Variants in KDM5A observed in about 807,000 individuals in gnomAD.
The protein encoded by KDM5A is lysine-specific demethylase 5A.
A neutral mutation model predicts 193.5 loss-of-function variants in KDM5A; 42 were observed. The ratio of observed to expected loss-of-function variants is 0.22; its 90% CI spans 0.17 to 0.28. KDM5A has a LOEUF of 0.28. KDM5A is among the 10% of genes least tolerant of loss of function. The probability of loss-of-function intolerance (pLI) is 1.00; values close to 1 mark genes in which losing one functional copy is unlikely to be tolerated. For synonymous variants in KDM5A, 796 were observed against 718.1 expected, an observed-to-expected ratio of 1.11 and a Z score of -1.73; for missense variants, 1,692 against 2,055.1, an observed-to-expected ratio of 0.82 and a Z score of 3.42.
intron 10 of KDM5A, among the ~76,000 whole-genome samples, chr12:340,719 AC>A (rs1943994652): frequency 1.3e-5 from 2 of 149,174 alleles, no homozygotes; most frequent in African/African-American, 2.5e-5. Context: ...AAAAAAAAAA[AC>A]CATTAGCACA....
intron 10 of KDM5A, among the ~76,000 whole-genome samples, chr12:335,363 T>G (rs998855657): frequency 5.9e-5 from 9 of 152,234 alleles, no homozygotes; most frequent in African/African-American, 2.2e-4. Flanking sequence ...ATCCACTAAG[T>G]CAAACTATTT....
chr12:321,176 TA>T, intron 17 of KDM5A, 67 bp from the exon 18 acceptor site: 1 of 1,111,508 alleles, frequency 9.0e-7, no homozygotes, highest in Middle Eastern at 2.0e-4. Flanking sequence ...AAAGGGCTCC[TA>T]GTCTCTTCAG....
intron 10 of KDM5A, among the ~76,000 whole-genome samples, chr12:344,001 G>T (rs1944038474): frequency 6.6e-6 from 1 of 152,158 alleles, no homozygotes; most frequent in South Asian, 2.1e-4. Flanking sequence ...CCATCGCAAG[G>T]AAGCTAAAAA....
chr12:332,562 T>C (rs1686317553), intron 12 of KDM5A, among the ~76,000 whole-genome samples: 1 of 152,212 alleles, frequency 6.6e-6, no homozygotes, highest in Admixed American at 6.5e-5. Context: ...TTATCAGGCA[T>C]TAGCTTGAAT....
At chr12:295,519 G>T in intron 26 of KDM5A, 54 bp downstream of exon 26, 2 of 1,513,354 alleles carry the variant, frequency 1.3e-6, no homozygotes, top group South Asian at 2.3e-5. Context: ...TACCTCTAAG[G>T]AACCTAGGCA....
In KDM5A at chr12:329,178, T is replaced by C. The variant is rs944945097; in HGVS notation, c.1774-149A>G. On this transcript the variant is annotated intron_variant, in intron 13 of 27. Transcript: ENST00000399788. The stretch of plus-strand genomic sequence containing the variant: ...TAAAGAGGCAATATTCTATTAACTG[T>C]AAATATTAACCCTGTAAGACCCAGC... 5.6e-6 allele frequency: 4 copies of C among 713,698 alleles called. No individual in the cohort carries two copies. The South Asian group carries it at 6.4e-5, about 11-fold the overall frequency. 44.2% of individuals were successfully genotyped at this position (713,698 alleles called of 1,614,324 possible). A position where few individuals can be genotyped will look rare whatever the true frequency, so the allele number is the denominator to read the frequency against.
intron 14 of KDM5A, among the ~76,000 whole-genome samples, chr12:324,524 A>G (rs910366916): frequency 6.6e-5 from 10 of 152,224 alleles, no homozygotes; most frequent in African/African-American, 2.4e-4. Context: ...GCAAATTAAA[A>G]TATAATATCA....
chr12:282,840 AC>A lies in KDM5A; in HGVS notation c.*2615del, dbSNP rs1943172713. 4.3e-6 allele frequency: 1 copy of A among 232,470 alleles called. No homozygotes were observed. Among genetic ancestry groups the A allele is most frequent in the African/African-American group, 2.2e-5 (1 of 45,324 alleles). The allele number at this position is 232,470 out of a possible 1,614,324, so 14.4% of individuals were successfully genotyped here. ...TGAAAATAATGCTTTGTATTAGAAC[AC>A]CAACATTTCTTTAAATAGATGAATC... On this transcript the variant is annotated 3_prime_UTR_variant, in exon 28 of 28. Transcript: ENST00000399788.
rs1260638421 is a variant in KDM5A, at chr12:295,716, A to G, written c.4312T>C (p.Ser1438Pro). Residue 1438 changes from serine to proline, a missense_variant, in exon 26 of 28, where the codon TCA (serine) becomes CCA (proline). Ser to Pro is a moderately conservative substitution (Grantham distance 74). This residue lies in a region of KDM5A where 965 missense variants were observed against 1,061.0 expected (regional missense o/e 0.91). Coordinates refer to ENST00000399788, the MANE Select transcript of KDM5A (RefSeq NM_001042603.3). The stretch of plus-strand genomic sequence containing the variant: ...TCCAGTTGTGCCTTAGCTCCAGGTG[A>G]CAACTCCAGCACTGGAGGTTCCAAA... ...RSLEPPVLELSPGAKAQLEEL... is the reference protein window; with the variant it reads ...RSLEPPVLELPPGAKAQLEEL... The G allele has an allele frequency of 6.2e-7, 1 of 1,613,988 alleles. No homozygotes were observed. The highest frequency in any genetic ancestry group is 8.5e-7 in the Non-Finnish European group (1 of 1,179,992).
chr12:297,993 A>G (rs1943395359), intron 24 of KDM5A, among the ~76,000 whole-genome samples: 1 of 152,208 alleles, frequency 6.6e-6, no homozygotes, highest in South Asian at 2.1e-4. Context: ...ATTGCTCTCT[A>G]GATTCCTCCT....
rs571207536 is a variant in KDM5A at position 359,301 on chromosome 12, T to G, written c.673-2764A>C. On this transcript the variant is annotated intron_variant, in intron 5 of 27. Coordinates refer to ENST00000399788, the MANE Select transcript of KDM5A (RefSeq NM_001042603.3). The stretch of plus-strand genomic sequence containing the variant: ...CAGTGGGAACAAGCACACCGTGTGC[T>G]CACATCATGGTTTCTAAATACCATT... Among the ~76,000 whole-genome samples, 9 of 152,320 alleles carry G rather than the reference T, an allele frequency of 5.9e-5. No individual in the cohort carries two copies. The East Asian group carries it at 1.7e-3, about 29-fold the overall frequency.
chr12:379,698 A>G (rs1478644526), intron 3 of KDM5A, among the ~76,000 whole-genome samples: 1 of 152,236 alleles, frequency 6.6e-6, no homozygotes, highest in Non-Finnish European at 1.5e-5. Flanking sequence ...AGAGATGTCC[A>G]TGAGGACTTA....
At chr12:387,693 G>C (rs1305407540) in intron 1 of KDM5A, among the ~76,000 whole-genome samples, 1 of 152,164 alleles carries the variant, frequency 6.6e-6, no homozygotes, top group African/African-American at 2.4e-5. Context: ...CACACATTTG[G>C]TGTTTTAACT....
Position 334,804 on chromosome 12 carries a change from T to C in KDM5A, c.1309-382A>G, listed in dbSNP as rs544814501. ...ACTATATTGATAGAATGGTGCTAGA[T>C]ACTGTAAAGACAAAATACAATATAC... is the stretch of plus-strand genomic sequence containing the variant. On this transcript the variant is annotated intron_variant, in intron 10 of 27. Coordinates refer to ENST00000399788, the MANE Select transcript of KDM5A (RefSeq NM_001042603.3). Among the ~76,000 whole-genome samples, 5 of 152,342 alleles carry C rather than the reference T, an allele frequency of 3.3e-5. No individual in the cohort carries two copies. In the South Asian group the frequency reaches 1.0e-3, roughly 32 times the overall value.
chr12:300,904 C>T (rs1268335440), intron 24 of KDM5A, among the ~76,000 whole-genome samples: 1 of 152,220 alleles, frequency 6.6e-6, no homozygotes, highest in Non-Finnish European at 1.5e-5. Context: ...ATAAACATCT[C>T]TACCCAAATA....
chr12:307,136 G>C lies in KDM5A; in HGVS notation c.3931-47C>G. 2 of 1,610,036 alleles carry C rather than the reference G, an allele frequency of 1.2e-6. No homozygotes were observed. The highest frequency in any genetic ancestry group is 1.7e-6 in the Non-Finnish European group (2 of 1,176,718). On this transcript the variant is annotated intron_variant, in intron 23 of 27. Transcript: ENST00000399788. The surrounding 1 kb of genome is among the most constrained non-coding windows in gnomAD (Gnocchi z 4.3). ...GATGAACAGCAAGACATGCTAAACA[G>C]ACAGGGTAATTAATGTGTGCTTAAG...
At chr12:345,317 A>C (rs1462822401) in intron 10 of KDM5A, among the ~76,000 whole-genome samples, 1 of 152,190 alleles carries the variant, frequency 6.6e-6, no homozygotes, top group Non-Finnish European at 1.5e-5. Flanking sequence ...CACAATGATA[A>C]TGGGAAACTT....
intron 1 of KDM5A, chr12:388,144 A>T: frequency 2.8e-6 from 1 of 362,934 alleles, no homozygotes; most frequent in Non-Finnish European, 5.5e-6. Flanking sequence ...TCTAATGAGT[A>T]AAGAAAAACA....
At chr12:371,972 A>G (rs1422069236) in intron 3 of KDM5A, among the ~76,000 whole-genome samples, 2 of 152,198 alleles carry the variant, frequency 1.3e-5, no homozygotes, top group Non-Finnish European at 2.9e-5. Context: ...CTGTTTTGGT[A>G]CCAGTACCAT....
Sources: gnomAD v4.1 joint callset for allele counts (sites outside exome capture counted in the v4.1 genomes callset) on GRCh38, gnomAD v4.1.1 for gene constraint, gnomAD v4.1.1 regional missense constraint, Gnocchi (gnomAD v3.1) non-coding constraint, MANE v1.5 for transcripts, NCBI Gene and HGNC (gene_info 2026-07-23, HGNC 2026-07-21) for gene names.